DGKG: variants seen among roughly 807,000 people sequenced by gnomAD.
DGKG encodes the protein diacylglycerol kinase gamma.
DGKG carries 78 observed loss-of-function variants against 105.3 expected under a neutral mutation model. The ratio of observed to expected loss-of-function variants is 0.74; its 90% CI spans 0.62 to 0.89. The LOEUF (loss-of-function observed/expected upper bound fraction) is 0.89. Among genes scored for constraint, DGKG ranks in the 40% least tolerant of loss-of-function variants. The pLI is 0.00. For missense variants in DGKG, 958 were observed against 1,020.1 expected, an observed-to-expected ratio of 0.94 and a Z score of 0.83; for synonymous variants, 346 against 367.1, an observed-to-expected ratio of 0.94 and a Z score of 0.66.
chr3:186,259,086 C>A lies in DGKG; in HGVS notation c.1425-1147G>T, dbSNP rs567663749. ...AGGCAAATTAACATTCCTTCTCTTG[C>A]AGAACTCTGCTCTCCGACGGGACTC... On this transcript the variant is annotated intron_variant, in intron 16 of 24. Transcript: ENST00000265022. Among the ~76,000 whole-genome samples, 99 of 152,236 alleles carry A rather than the reference C, an allele frequency of 6.5e-4. 1 individual carries two copies. In the South Asian group the frequency reaches 0.019, roughly 29 times the overall value.
intron 20 of DGKG, among the ~76,000 whole-genome samples, chr3:186,221,129 T>G: frequency 6.6e-6 from 1 of 152,058 alleles, no homozygotes; most frequent in Non-Finnish European, 1.5e-5. Flanking sequence ...CCAGAGAGTC[T>G]CTCCAAAGGC....
Position 186,148,062 on chromosome 3 carries a change from C to T in DGKG, c.*2028G>A, listed in dbSNP as rs920563677. 1.0e-6 allele frequency: 1 copy of T among 985,290 alleles called. No individual in the cohort carries two copies. Among genetic ancestry groups the T allele is most frequent in the African/African-American group, 1.7e-5 (1 of 57,224 alleles). 61.0% of individuals were successfully genotyped at this position (985,290 alleles called of 1,614,324 possible). A position where few individuals can be genotyped will look rare whatever the true frequency, so the allele number is the denominator to read the frequency against. ...CCCTTCTTTGTCCAAAGCTCCTGTC[C>T]AATGCAAGATTAGAGGCAGCTCAGT... On this transcript the variant is annotated 3_prime_UTR_variant, in exon 25 of 25. Transcript: ENST00000265022.
chr3:186,170,576 T>C (rs1716771187), intron 22 of DGKG, among the ~76,000 whole-genome samples: 1 of 152,214 alleles, frequency 6.6e-6, no homozygotes, highest in Non-Finnish European at 1.5e-5. Flanking sequence ...ACAAGTTATT[T>C]CATGACTGCT....
chr3:186,169,161 A>AT (rs375902205), intron 22 of DGKG, among the ~76,000 whole-genome samples: 2 of 152,152 alleles, frequency 1.3e-5, no homozygotes, highest in Admixed American at 1.3e-4. Flanking sequence ...ATATGATGAA[A>AT]TTTTTTTGCT....
intron 2 of DGKG, among the ~76,000 whole-genome samples, chr3:186,312,631 A>G (rs1724608213): frequency 6.6e-6 from 1 of 152,362 alleles, no homozygotes; most frequent in South Asian, 2.1e-4. Context: ...AAGTTGGCGC[A>G]TGAGCAAAAA....
intron 24 of DGKG, chr3:186,161,165 C>T: frequency 2.0e-6 from 2 of 992,120 alleles, no homozygotes; most frequent in East Asian, 1.1e-4. Context: ...AGGCGCTACC[C>T]TACCAAATTC....
At chr3:186,319,877 A>G (rs976827236) in intron 2 of DGKG, among the ~76,000 whole-genome samples, 1 of 152,386 alleles carries the variant, frequency 6.6e-6, no homozygotes, top group Non-Finnish European at 1.5e-5. Flanking sequence ...AGAAACACAC[A>G]TTAGCATTCA....
At chr3:186,298,445 G>T (rs1037519166) in intron 3 of DGKG, among the ~76,000 whole-genome samples, 8 of 152,210 alleles carry the variant, frequency 5.3e-5, no homozygotes, top group African/African-American at 1.7e-4. Context: ...GAGAGAAAAT[G>T]TTGCAGTTGC....
chr3:186,315,409 T>C (rs1724769287), intron 2 of DGKG, among the ~76,000 whole-genome samples: 2 of 152,192 alleles, frequency 1.3e-5, no homozygotes, highest in African/African-American at 4.8e-5. Context: ...CCAACAAATA[T>C]GCACAGTATC....
At chr3:186,341,270 T>G (rs1353784389) in intron 1 of DGKG, among the ~76,000 whole-genome samples, 1 of 152,232 alleles carries the variant, frequency 6.6e-6, no homozygotes, top group Non-Finnish European at 1.5e-5. Flanking sequence ...GAAGGGTAAG[T>G]TCATGTCTGG....
intron 1 of DGKG, among the ~76,000 whole-genome samples, chr3:186,335,179 C>T (rs138257716): frequency 2.0e-5 from 3 of 152,166 alleles, no homozygotes; most frequent in Admixed American, 6.5e-5. Flanking sequence ...TCAAGCGATT[C>T]TCCTGCCTCA....
chr3:186,210,406 C>T lies in DGKG; in HGVS notation c.1917+1389G>A, dbSNP rs1718978027. Among the ~76,000 whole-genome samples the T allele has an allele frequency of 1.3e-5, 2 of 152,250 alleles. No homozygotes were observed. The highest frequency in any genetic ancestry group is 4.8e-5 in the African/African-American group (2 of 41,468). On this transcript the variant is annotated intron_variant, in intron 21 of 24. Coordinates refer to ENST00000265022, the MANE Select transcript of DGKG (RefSeq NM_001346.3). The surrounding 1 kb of genome is among the most constrained non-coding windows in gnomAD (Gnocchi z 5.2). ...CACGTCAAGAGAGGAGGACCGGCTT[C>T]TCAGACTCCCTGTGTGCCACCTGGG...
At chr3:186,293,262 T>C (rs1723393611) in intron 5 of DGKG, among the ~76,000 whole-genome samples, 1 of 152,266 alleles carries the variant, frequency 6.6e-6, no homozygotes, top group Admixed American at 6.5e-5. Flanking sequence ...AAATCCTCGG[T>C]GCTTTGCCTA....
At chr3:186,338,208 T>G (rs918017315) in intron 1 of DGKG, among the ~76,000 whole-genome samples, 3 of 148,072 alleles carry the variant, frequency 2.0e-5, no homozygotes, top group Middle Eastern at 3.5e-3. Flanking sequence ...AAAAGTAGAA[T>G]GTACATTGGA....
At chr3:186,346,360 C>T (rs1726331624) in intron 1 of DGKG, among the ~76,000 whole-genome samples, 1 of 152,102 alleles carries the variant, frequency 6.6e-6, no homozygotes, top group Non-Finnish European at 1.5e-5. Flanking sequence ...CCTCTAGTGC[C>T]CTCTTATGAG....
chr3:186,282,504 T>A (rs1015383179), intron 7 of DGKG, among the ~76,000 whole-genome samples: 1 of 152,202 alleles, frequency 6.6e-6, no homozygotes, highest in Non-Finnish European at 1.5e-5. Context: ...ATGCCTTGAT[T>A]ATTTCAACGG....
intron 16 of DGKG, among the ~76,000 whole-genome samples, chr3:186,259,781 T>G (rs13314045): frequency 0.12 from 18,381 of 152,004 alleles, 1,256 homozygotes; most frequent in African/African-American, 0.18. Context: ...CCAGGTGCTG[T>G]AGGGGCCGCA....
chr3:186,300,864 A>C lies in DGKG; in HGVS notation c.145-2635T>G, dbSNP rs148832141. ...AAACCTCGTGACTGGTCTCAGACCA[A>C]GCGCATTTCTCCCCTTTTTCCAATC... On this transcript the variant is annotated intron_variant, in intron 3 of 24. Transcript: ENST00000265022. 6.6e-5 allele frequency among the ~76,000 whole-genome samples: 10 copies of C among 152,360 alleles called. No individual in the cohort carries two copies. The East Asian group carries it at 1.7e-3, about 26-fold the overall frequency.
chr3:186,212,960 C>G lies in DGKG; in HGVS notation c.1827-1075G>C, dbSNP rs60826984. On this transcript the variant is annotated intron_variant, in intron 20 of 24. Coordinates refer to ENST00000265022, the MANE Select transcript of DGKG (RefSeq NM_001346.3). ...AGCAGTCTTCAGAGGGAAGAGGGCT[C>G]TTATTTTTTCCTCATGTTCCTTAGG... is the stretch of plus-strand genomic sequence containing the variant. Among the ~76,000 whole-genome samples, 7 of 152,316 alleles carry G rather than the reference C, an allele frequency of 4.6e-5. No homozygotes were observed. The East Asian group carries it at 1.3e-3, about 29-fold the overall frequency.
Sources: gnomAD v4.1 joint callset for allele counts (sites outside exome capture counted in the v4.1 genomes callset) on GRCh38, gnomAD v4.1.1 for gene constraint, Gnocchi (gnomAD v3.1) non-coding constraint, MANE v1.5 for transcripts, NCBI Gene and HGNC (gene_info 2026-07-23, HGNC 2026-07-21) for gene names.